Variants in WFDC5 observed in about 807,000 individuals in gnomAD.
WFDC5 encodes WAP four-disulfide core domain protein 5.
A neutral mutation model predicts 15.7 loss-of-function variants in WFDC5; 15 were observed. The ratio of observed to expected loss-of-function variants is 0.96; its 90% CI spans 0.64 to 1.47. WFDC5 has a LOEUF of 1.47. Among genes scored for constraint, WFDC5 ranks in the 40% most tolerant of loss-of-function variants. The pLI, the probability that WFDC5 is intolerant of heterozygous loss-of-function variation, is 0.00. For synonymous variants in WFDC5, 109 were observed against 107.7 expected (o/e 1.01, Z -0.07); for missense variants, 280 against 258.0 (o/e 1.09, Z -0.59).
At chr20:45,109,967 G>T (rs770331617) in exon 4 of WFDC5, 1 of 1,614,110 alleles carries the variant, frequency 6.2e-7, no homozygotes, top group Non-Finnish European at 8.5e-7. Context: ...TCTTTCCGTT[G>T]GTCCCCAGCT....
chr20:45,111,293 G>A (rs61635594), intron 1 of WFDC5, among the ~76,000 whole-genome samples: 2 of 46,386 alleles, frequency 4.3e-5, no homozygotes, highest in African/African-American at 8.1e-5. Flanking sequence ...CCCCCACCCC[G>A]GCCCCCACAC....
chr20:45,109,613 G>T (rs1981550812), exon 4 of WFDC5: 3 of 627,598 alleles, frequency 4.8e-6, no homozygotes, highest in Non-Finnish European at 8.8e-6. Flanking sequence ...CTGATGTTTG[G>T]AAAACTCTGC....
At position 45,109,958 on chromosome 20, in the gene WFDC5, CTT is replaced by C. The variant is rs1419219475; in HGVS notation, c.447_448del (p.Arg150SerfsTer25). ...GGCCCCAGGCCTCCCATCGTGAACT[CTT>C]TCCGTTGGTCCCCAGCTTAGGTGCA... is the stretch of plus-strand genomic sequence containing the variant. On this transcript the variant is annotated frameshift_variant, in exon 4 of 4. Coordinates refer to ENST00000307971, the Ensembl canonical transcript of WFDC5. LOFTEE classifies it low-confidence loss of function (END_TRUNC). 6.2e-7 allele frequency: 1 copy of C among 1,614,000 alleles called. No individual in the cohort carries two copies. The highest frequency in any genetic ancestry group is 8.5e-7 in the Non-Finnish European group (1 of 1,179,958).
chr20:45,111,037 A>G (rs183536828), intron 1 of WFDC5, among the ~76,000 whole-genome samples: 88 of 152,330 alleles, frequency 5.8e-4, no homozygotes, highest in African/African-American at 2.1e-3. Flanking sequence ...ACTGTGGCCA[A>G]TAAGGCCATG....
Position 45,109,936 on chromosome 20 carries a change from C to T in WFDC5, c.471G>A (p.Gly157=), listed in dbSNP as rs1981563920. Residue 157 remains glycine, a synonymous_variant, in exon 4 of 4, where the codon GGG becomes GGA. Transcript: ENST00000307971. ...GATAGTGCTGTCCAGCGGGCAGGGC[C>T]CCAGGCCTCCCATCGTGAACTCTTT... 2.5e-6 allele frequency: 4 copies of T among 1,608,652 alleles called. No homozygotes were observed. The South Asian group carries it at 3.3e-5, about 13-fold the overall frequency.
At chr20:45,110,414 C>A in exon 3 of WFDC5, 1 of 1,605,698 alleles carries the variant, frequency 6.2e-7, no homozygotes, top group East Asian at 2.2e-5. Context: ...GGCAGGATCC[C>A]GGCAATCCCG....
At chr20:45,110,072 C>T (rs1170658282) in intron 3 of WFDC5, 59 bp from the exon 4 acceptor site, 1 of 1,579,794 alleles carries the variant, frequency 6.3e-7, no homozygotes, top group Non-Finnish European at 8.6e-7. Context: ...GGTTTCTGGC[C>T]TTGGTCTCCC....
chr20:45,114,990 C>G lies in WFDC5; in HGVS notation c.85+9G>C. On this transcript the variant is annotated intron_variant, in intron 1 of 3. Transcript: ENST00000307971. ...TGGTCCCCCCAGCAGAGGGATTTCCCGCACTCACCTCCCTTCTTCCTGCCA... is the reference window on the plus strand; with the variant it reads ...TGGTCCCCCCAGCAGAGGGATTTCCGGCACTCACCTCCCTTCTTCCTGCCA... The G allele has an allele frequency of 6.2e-7, 1 of 1,613,022 alleles. No homozygotes were observed. The highest frequency in any genetic ancestry group is 1.1e-5 in the South Asian group (1 of 90,966).
chr20:45,116,001 A>G (rs1043612166), upstream of WFDC5, among the ~76,000 whole-genome samples: 1 of 152,184 alleles, frequency 6.6e-6, no homozygotes, highest in Non-Finnish European at 1.5e-5. Context: ...AAACTGTGAG[A>G]TAGAGATGAG....
chr20:45,110,482 C>A (rs757071174), exon 3 of WFDC5: 5 of 1,614,194 alleles, frequency 3.1e-6, no homozygotes, highest in Non-Finnish European at 3.4e-6. Flanking sequence ...CCTTGTGACA[C>A]AGGTGGTTCA....
At chr20:45,111,292 C>T (rs1981613758) in intron 1 of WFDC5, among the ~76,000 whole-genome samples, 1 of 126,132 alleles carries the variant, frequency 7.9e-6, no homozygotes, top group African/African-American at 3.2e-5. Context: ...CCCCCCACCC[C>T]GGCCCCCACA....
intron 1 of WFDC5, among the ~76,000 whole-genome samples, chr20:45,114,352 G>A (rs1431320152): frequency 3.3e-5 from 5 of 152,146 alleles, no homozygotes; most frequent in Non-Finnish European, 5.9e-5. Context: ...CAGCAGGCCA[G>A]CCCCAGCCTT....
At chr20:45,111,187 A>T (rs1981607287) in intron 1 of WFDC5, among the ~76,000 whole-genome samples, 1 of 151,366 alleles carries the variant, frequency 6.6e-6, no homozygotes, top group African/African-American at 2.4e-5. Context: ...CTTCTCCTGT[A>T]CTCCATGCGC....
At chr20:45,113,119 A>G (rs1016399390) in intron 1 of WFDC5, among the ~76,000 whole-genome samples, 10 of 152,154 alleles carry the variant, frequency 6.6e-5, no homozygotes, top group Non-Finnish European at 1.5e-4. Context: ...ATACCACATA[A>G]CCACTGACAG....
At chr20:45,114,220 G>T (rs1329532412) in intron 1 of WFDC5, among the ~76,000 whole-genome samples, 3 of 152,094 alleles carry the variant, frequency 2.0e-5, no homozygotes, top group Non-Finnish European at 4.4e-5. Flanking sequence ...TTTAAGGCAG[G>T]GCAAGGGTTG....
chr20:45,115,053 C>A (rs1234166289), exon 1 of WFDC5: 1 of 1,613,400 alleles, frequency 6.2e-7, no homozygotes, highest in Non-Finnish European at 8.5e-7. Flanking sequence ...GCCAGGAGGG[C>A]CCCCAGGAGG....
Position 45,113,522 on chromosome 20 carries a change from A to G in WFDC5, c.85+1477T>C, listed in dbSNP as rs1475540734. Among the ~76,000 whole-genome samples the G allele has an allele frequency of 3.9e-5, 6 of 152,170 alleles. No homozygotes were observed. The East Asian group carries it at 9.6e-4, about 24-fold the overall frequency. ...CCTGGGAACACAATGACTCCCCCAA[A>G]TCACCCACTTATGCTGTGCTTACTG... On this transcript the variant is annotated intron_variant, in intron 1 of 3. Transcript: ENST00000307971.
chr20:45,110,845 A>G, intron 1 of WFDC5, 70 bp from the exon 2 acceptor site: 1 of 1,585,936 alleles, frequency 6.3e-7, no homozygotes, highest in Middle Eastern at 1.7e-4. Context: ...TGACCTGGGA[A>G]TGACAAGACT....
upstream of WFDC5, among the ~76,000 whole-genome samples, chr20:45,116,238 G>A (rs1441442119): frequency 6.6e-6 from 1 of 152,080 alleles, no homozygotes; most frequent in Non-Finnish European, 1.5e-5. Flanking sequence ...TGAATCTCTC[G>A]TGCTGTCTTC....
Sources: allele counts gnomAD v4.1 joint callset (sites outside exome capture counted in the v4.1 genomes callset), GRCh38; gene constraint gnomAD v4.1.1; transcripts MANE v1.5; gene names NCBI Gene and HGNC (gene_info 2026-07-23, HGNC 2026-07-21).